The following LHFPL3 variants were observed in gnomAD, a reference collection of about 807,000 sequenced individuals.
The protein encoded by LHFPL3 is LHFPL tetraspan subfamily member 3 protein.
Under a neutral mutation model 19.3 loss-of-function variants are expected in LHFPL3, and 5 were observed. The observed-to-expected ratio is 0.26, with a 90% confidence interval of 0.14 to 0.54. The LOEUF (loss-of-function observed/expected upper bound fraction) is 0.54. Among genes scored for constraint, LHFPL3 ranks in the 20% least tolerant of loss-of-function variants. The probability of loss-of-function intolerance (pLI) is 0.94; values close to 1 mark genes in which losing one functional copy is unlikely to be tolerated. For synonymous variants in LHFPL3, 133 were observed against 126.2 expected, an observed-to-expected ratio of 1.05 and a Z score of -0.36; for missense variants, 249 against 307.4, an observed-to-expected ratio of 0.81 and a Z score of 1.42.
At chr7:104,796,471 G>C (rs1244064926) in intron 2 of LHFPL3, 1 of 152,232 alleles carries the variant, frequency 6.6e-6, no homozygotes, top group Admixed American at 6.5e-5. Flanking sequence ...AGGCCGTGAA[G>C]TCAGTAAGAA....
chr7:104,563,649 T>G (rs1257810935), intron 1 of LHFPL3, among the ~76,000 whole-genome samples: 1 of 152,258 alleles, frequency 6.6e-6, no homozygotes, highest in African/African-American at 2.4e-5. Flanking sequence ...TCTTCTGTGT[T>G]GCTCAGGCTG....
At position 104,706,965 on chromosome 7, in the gene LHFPL3, A is replaced by G. The variant is rs558212112; in HGVS notation, c.446-29710A>G. Among the ~76,000 whole-genome samples, 253 of 152,226 alleles carry G rather than the reference A, an allele frequency of 1.7e-3. 2 individuals carry two copies. The highest frequency in any genetic ancestry group is 5.0e-3 in the African/African-American group (207 of 41,558). The stretch of plus-strand genomic sequence containing the variant: ...ACCTGATGCCCAGCTAGCCTAGTGT[A>G]TGTCTGGCCAATATCCTGGTCCCTC... On this transcript the variant is annotated intron_variant, in intron 1 of 2. Transcript: ENST00000424859.
intron 1 of LHFPL3, among the ~76,000 whole-genome samples, chr7:104,560,843 A>G (rs1042212780): frequency 1.0e-4 from 15 of 149,260 alleles, no homozygotes; most frequent in South Asian, 2.2e-4. Context: ...CCCTCTACAC[A>G]TTGCTTTGAA....
chr7:104,605,337 C>T (rs560035099), intron 1 of LHFPL3, among the ~76,000 whole-genome samples: 3 of 152,164 alleles, frequency 2.0e-5, no homozygotes, highest in Admixed American at 1.3e-4. Context: ...AAGTTTTCTC[C>T]TATTAAAACA....
intron 1 of LHFPL3, among the ~76,000 whole-genome samples, chr7:104,715,191 C>T (rs766276499): frequency 6.6e-6 from 1 of 151,998 alleles, no homozygotes; most frequent in Non-Finnish European, 1.5e-5. Flanking sequence ...CTAACCTGAA[C>T]GACAGAGCAA....
chr7:104,870,021 C>A (rs1791801808), intron 2 of LHFPL3, among the ~76,000 whole-genome samples: 1 of 150,804 alleles, frequency 6.6e-6, no homozygotes, highest in Non-Finnish European at 1.5e-5. Flanking sequence ...TGTTCTCACT[C>A]ATAGGTGGGA....
chr7:104,528,461 A>C (rs1794231605), intron 1 of LHFPL3, among the ~76,000 whole-genome samples: 1 of 152,166 alleles, frequency 6.6e-6, no homozygotes, highest in African/African-American at 2.4e-5. Context: ...CAGGCAGATA[A>C]GCAATTAAAA....
chr7:104,372,042 C>T (rs1328142373), intron 1 of LHFPL3, among the ~76,000 whole-genome samples: 1 of 152,150 alleles, frequency 6.6e-6, no homozygotes, highest in Non-Finnish European at 1.5e-5. Context: ...TTAAGAATAA[C>T]GTGGTCCTTT....
chr7:104,592,424 G>A (rs201001796), intron 1 of LHFPL3, among the ~76,000 whole-genome samples: 1 of 4,270 alleles, frequency 2.3e-4, no homozygotes, highest in African/African-American at 3.4e-4. Context: ...CACCAGCGGA[G>A]GCTGCAGAAC....
At chr7:104,767,959 A>T (rs1456791439) in intron 2 of LHFPL3, among the ~76,000 whole-genome samples, 1 of 152,168 alleles carries the variant, frequency 6.6e-6, no homozygotes. Flanking sequence ...ATATTTCCAG[A>T]CTGTTTTCTA....
chr7:104,330,248 G>T (rs529011240), intron 1 of LHFPL3, among the ~76,000 whole-genome samples: 22 of 152,276 alleles, frequency 1.4e-4, no homozygotes, highest in African/African-American at 5.3e-4. Flanking sequence ...TCCAGTGGTC[G>T]TGACACATTT....
At chr7:104,822,641 T>G (rs75955085) in intron 2 of LHFPL3, among the ~76,000 whole-genome samples, 1 of 152,128 alleles carries the variant, frequency 6.6e-6, no homozygotes, top group Admixed American at 6.5e-5. Context: ...GAGGAAGGAA[T>G]AGTTTTTCTT....
At chr7:104,668,226 T>C in intron 1 of LHFPL3, 1 of 1,613,024 alleles carries the variant, frequency 6.2e-7, no homozygotes, top group Admixed American at 1.7e-5. Flanking sequence ...CAATGAAGAG[T>C]CTCTAAGTAA....
chr7:104,763,015 C>T (rs1429867479), intron 2 of LHFPL3, among the ~76,000 whole-genome samples: 1 of 152,158 alleles, frequency 6.6e-6, no homozygotes, highest in Non-Finnish European at 1.5e-5. Flanking sequence ...GACAGGGCAC[C>T]AGACATTGTG....
rs146308965 is a variant in LHFPL3, at chr7:104,373,912, G to GCAAAAA, written c.445+44701_445+44706dup. 6.8e-3 allele frequency among the ~76,000 whole-genome samples: 1,021 copies of GCAAAAA among 149,696 alleles called. 66 individuals are homozygous for GCAAAAA. In the East Asian group the frequency reaches 0.16, roughly 24 times the overall value. ...CTTTGCAGGATCATTTCAAGATATGGCAAAAACAAAAACAAAAAAACATGT... is the reference window on the plus strand; with the variant it reads ...CTTTGCAGGATCATTTCAAGATATGGCAAAAACAAAAACAAAAACAAAAAAACATGT... On this transcript the variant is annotated intron_variant, in intron 1 of 2. Transcript: ENST00000424859.
chr7:104,329,596 G>A (rs1274862384), intron 1 of LHFPL3, among the ~76,000 whole-genome samples: 1 of 152,222 alleles, frequency 6.6e-6, no homozygotes, highest in Non-Finnish European at 1.5e-5. Flanking sequence ...AGGAGGGACT[G>A]ACAGGGCGAA....
chr7:104,757,843 C>T (rs1794312751), intron 2 of LHFPL3: 1 of 152,144 alleles, frequency 6.6e-6, no homozygotes, highest in African/African-American at 2.4e-5. Flanking sequence ...CCAACAATTC[C>T]ATTACTGGTT....
At chr7:104,493,116 G>T (rs942824480) in intron 1 of LHFPL3, among the ~76,000 whole-genome samples, 1 of 151,972 alleles carries the variant, frequency 6.6e-6, no homozygotes, top group Non-Finnish European at 1.5e-5. Flanking sequence ...TACTGTTCCT[G>T]CAATGCCCTG....
At chr7:104,495,441 T>A (rs1793450386) in intron 1 of LHFPL3, among the ~76,000 whole-genome samples, 1 of 152,168 alleles carries the variant, frequency 6.6e-6, no homozygotes, top group Admixed American at 6.5e-5. Context: ...TGGAGTGCAG[T>A]GGCACAATCT....
Sources: gnomAD v4.1 joint callset for allele counts (sites outside exome capture counted in the v4.1 genomes callset) on GRCh38, gnomAD v4.1.1 for gene constraint, MANE v1.5 for transcripts, NCBI Gene and HGNC (gene_info 2026-07-23, HGNC 2026-07-21) for gene names.